Variants in VNN2 observed in about 807,000 individuals in gnomAD.
VNN2 encodes the protein pantetheine hydrolase VNN2.
In VNN2, 43 loss-of-function variants were observed where a neutral mutation model predicts 43.0. The ratio of observed to expected loss-of-function variants is 1.00; its 90% confidence interval spans 0.78 to 1.29. VNN2 has a LOEUF of 1.29. Among genes scored for constraint, VNN2 ranks in the 50% most tolerant of loss-of-function variants. The pLI is 0.00. For missense variants in VNN2, 652 were observed against 619.7 expected (o/e 1.05, Z -0.55); for synonymous variants, 230 against 224.3 (o/e 1.03, Z -0.23).
At chr6:132,745,394 T>G (rs1431008466) in intron 6 of VNN2, among the ~76,000 whole-genome samples, 1 of 152,110 alleles carries the variant, frequency 6.6e-6, no homozygotes, top group Non-Finnish European at 1.5e-5. Flanking sequence ...TTTTGTATTT[T>G]TAGTAGAGAC....
At chr6:132,750,808 A>T (rs1351012123) in intron 5 of VNN2, among the ~76,000 whole-genome samples, 2 of 152,296 alleles carry the variant, frequency 1.3e-5, no homozygotes, top group Middle Eastern at 6.8e-3. Flanking sequence ...TATAATTTAG[A>T]TATGTTGGCA....
At chr6:132,752,844 G>T (rs1364021815) in intron 3 of VNN2, 95 bp from the exon 4 acceptor site, 53 of 1,361,254 alleles carry the variant, frequency 3.9e-5, no homozygotes, top group Non-Finnish European at 4.9e-5. Context: ...TTTGGCTATG[G>T]TCAACTGCAG....
At chr6:132,753,185 C>T (rs1454549852) in intron 3 of VNN2, 14 of 207,234 alleles carry the variant, frequency 6.8e-5, no homozygotes, top group East Asian at 1.3e-4. Flanking sequence ...CCACTATGCC[C>T]GGCTAATTTT....
chr6:132,752,750 C>A lies in VNN2; in HGVS notation c.538-1G>T. 6.2e-7 allele frequency: 1 copy of A among 1,610,472 alleles called. No individual in the cohort carries two copies. Among genetic ancestry groups the A allele is most frequent in the Non-Finnish European group, 8.5e-7 (1 of 1,178,332 alleles). On this transcript the variant is annotated splice_acceptor_variant, in intron 3 of 6. Transcript: ENST00000326499. LOFTEE classifies it high-confidence loss of function. The stretch of plus-strand genomic sequence containing the variant: ...ACTGAGGCTCAGAGTACAGGTGGTA[C>A]TACAACAAATGGATAGGAGAAAACC...
chr6:132,754,484 T>G (rs1214826211), intron 3 of VNN2, among the ~76,000 whole-genome samples: 1 of 152,180 alleles, frequency 6.6e-6, no homozygotes, highest in Non-Finnish European at 1.5e-5. Flanking sequence ...TTAACATCCC[T>G]CCTCTTAATT....
At chr6:132,753,880 G>A (rs760257086) in intron 3 of VNN2, 53 of 149,142 alleles carry the variant, frequency 3.6e-4, no homozygotes, top group Admixed American at 3.4e-4. Flanking sequence ...TTGAACCTGG[G>A]AGTCAGAGGT....
chr6:132,750,078 A>T (rs1779967254), intron 5 of VNN2, among the ~76,000 whole-genome samples: 1 of 152,206 alleles, frequency 6.6e-6, no homozygotes, highest in Non-Finnish European at 1.5e-5. Flanking sequence ...ATTAAGAGAA[A>T]GAAGTCAGTT....
At position 132,757,696 on chromosome 6, in the gene VNN2, G is replaced by A; in HGVS notation, c.188C>T (p.Thr63Ile). 1 of 1,614,050 alleles carries A rather than the reference G, an allele frequency of 6.2e-7. No homozygotes were observed. Among genetic ancestry groups the A allele is most frequent in the Non-Finnish European group, 8.5e-7 (1 of 1,179,954 alleles). ...CTGCTCAGCTGCCTGCTTGATCGCTGTCTCCAGAATGTCTATATTCTCGTT... is the reference window on the plus strand; with the variant it reads ...CTGCTCAGCTGCCTGCTTGATCGCTATCTCCAGAATGTCTATATTCTCGTT... ...LMNENIDILE[T>I]AIKQAAEQGA... Residue 63 changes from threonine (T) to isoleucine (I), a missense_variant, in exon 1 of 7, where the codon ACA becomes ATA. Coordinates refer to ENST00000326499, the MANE Select transcript of VNN2 (RefSeq NM_004665.6).
chr6:132,758,009 C>CTTCTTCTTCTTTTTTATTT, upstream of VNN2: 1 of 151,540 alleles, frequency 6.6e-6, no homozygotes. Context: ...TTTTCTTCTT[C>CTTCTTCTTCTTTTTTATTT]TTCTTCTTCT....
intron 6 of VNN2, among the ~76,000 whole-genome samples, chr6:132,747,540 C>G (rs1449403073): frequency 6.6e-6 from 1 of 152,062 alleles, no homozygotes; most frequent in African/African-American, 2.4e-5. Flanking sequence ...TCGCTTGAAC[C>G]CAAGAGGCAG....
At chr6:132,750,080 A>T (rs1779967555) in intron 5 of VNN2, among the ~76,000 whole-genome samples, 1 of 152,208 alleles carries the variant, frequency 6.6e-6, no homozygotes, top group Non-Finnish European at 1.5e-5. Flanking sequence ...TAAGAGAAAG[A>T]AGTCAGTTTA....
chr6:132,752,129 T>C (rs769814536), intron 4 of VNN2, among the ~76,000 whole-genome samples: 1 of 152,212 alleles, frequency 6.6e-6, no homozygotes. Flanking sequence ...GGGCAAGATA[T>C]AGAGGCTTCC....
At chr6:132,751,767 G>A (rs1038248107) in intron 4 of VNN2, among the ~76,000 whole-genome samples, 4 of 152,178 alleles carry the variant, frequency 2.6e-5, no homozygotes, top group Admixed American at 6.5e-5. Context: ...TAGCATTATG[G>A]AAAATTAAAC....
upstream of VNN2, among the ~76,000 whole-genome samples, chr6:132,759,554 G>T (rs1296466311): frequency 6.6e-6 from 1 of 151,844 alleles, no homozygotes; most frequent in African/African-American, 2.4e-5. Flanking sequence ...CCAAATAAAG[G>T]ATTTGTTTTA....
At chr6:132,756,527 C>G (rs953661204) in intron 2 of VNN2, among the ~76,000 whole-genome samples, 1 of 151,936 alleles carries the variant, frequency 6.6e-6, no homozygotes, top group Non-Finnish European at 1.5e-5. Flanking sequence ...CAGCAGTGAC[C>G]CCCACATTTT....
Position 132,757,509 on chromosome 6 carries a change from T to G in VNN2, c.251A>C (p.Tyr84Ser), listed in dbSNP as rs769717857. The part of the protein sequence containing the change: ...RIIVTPEDAL[Y>S]GWKFTRETVF... ...AGTTTCCCTGGTAAATTTCCATCCA[T>G]AAAGTGCATCTTCTGGAGTCACAAT... Residue 84 changes from tyrosine to serine, a missense_variant, in exon 2 of 7, where the codon TAT becomes TCT. Physicochemically the swap from Tyr to Ser is moderately radical, Grantham distance 144. Transcript: ENST00000326499. The G allele has an allele frequency of 6.2e-7, 1 of 1,614,112 alleles. No homozygotes were observed. Among genetic ancestry groups the G allele is most frequent in the Admixed American group, 1.7e-5 (1 of 60,006 alleles).
chr6:132,759,664 C>T (rs555617213), upstream of VNN2, among the ~76,000 whole-genome samples: 1 of 152,158 alleles, frequency 6.6e-6, no homozygotes, highest in South Asian at 2.1e-4. Flanking sequence ...TTCCTTCTTA[C>T]TGAGATAAAT....
At chr6:132,752,361 G>A (rs1445849599) in intron 4 of VNN2, 100 bp downstream of exon 4, 4 of 1,392,058 alleles carry the variant, frequency 2.9e-6, no homozygotes, top group Non-Finnish European at 3.8e-6. Flanking sequence ...AACACAGTAA[G>A]AATTTCCAAT....
chr6:132,754,722 A>C (rs773836684), intron 3 of VNN2, among the ~76,000 whole-genome samples: 5 of 152,242 alleles, frequency 3.3e-5, no homozygotes, highest in Non-Finnish European at 7.3e-5. Context: ...TCAGAATTTA[A>C]AGTAAACATT....
Sources: allele counts gnomAD v4.1 joint callset (sites outside exome capture counted in the v4.1 genomes callset), GRCh38; gene constraint gnomAD v4.1.1; transcripts MANE v1.5; gene names NCBI Gene and HGNC (gene_info 2026-07-23, HGNC 2026-07-21).